Variants in VKORC1L1 observed in about 807,000 individuals in gnomAD.
VKORC1L1 encodes the protein vitamin K epoxide reductase complex subunit 1L1.
In VKORC1L1, 2 loss-of-function variants were observed where a neutral mutation model predicts 18.9. The observed-to-expected ratio is 0.11, with a 90% CI of 0.04 to 0.33. The LOEUF is 0.33. VKORC1L1 is among the 10% of genes least tolerant of loss of function. VKORC1L1 has a pLI of 1.00. For synonymous variants in VKORC1L1, 96 were observed against 100.0 expected (o/e 0.96, Z 0.24); for missense variants, 123 against 224.1 (o/e 0.55, Z 2.88).
intron 1 of VKORC1L1, among the ~76,000 whole-genome samples, chr7:65,874,098 T>G (rs768364802): frequency 1.6e-4 from 24 of 152,142 alleles, no homozygotes; most frequent in Non-Finnish European, 3.1e-4. Context: ...GGTGTTTCCG[T>G]GGTCAGGCCT....
chr7:65,941,573 C>A (rs1193248165), intron 1 of VKORC1L1, among the ~76,000 whole-genome samples: 1 of 151,364 alleles, frequency 6.6e-6, no homozygotes. Flanking sequence ...TTTAGAAAGA[C>A]CCCAGGAGAG....
intron 1 of VKORC1L1, among the ~76,000 whole-genome samples, chr7:65,887,051 G>T (rs757084072): frequency 6.6e-6 from 1 of 150,708 alleles, no homozygotes; most frequent in Non-Finnish European, 1.5e-5. Flanking sequence ...AGGTTTCACC[G>T]TGTTAGCCAG....
intron 1 of VKORC1L1, among the ~76,000 whole-genome samples, chr7:65,947,618 G>A (rs1253558755): frequency 2.0e-5 from 3 of 152,080 alleles, no homozygotes; most frequent in Admixed American, 1.3e-4. Context: ...AAAACTGATA[G>A]GGCATATAAT....
chr7:65,951,662 G>A (rs952033794), intron 2 of VKORC1L1, among the ~76,000 whole-genome samples: 2 of 151,842 alleles, frequency 1.3e-5, no homozygotes, highest in African/African-American at 2.4e-5. Flanking sequence ...CTGGTTTCCA[G>A]TGCTCCTCAG....
At chr7:65,900,578 G>A (rs1789298447) in intron 1 of VKORC1L1, among the ~76,000 whole-genome samples, 1 of 152,096 alleles carries the variant, frequency 6.6e-6, no homozygotes, top group Admixed American at 6.6e-5. Flanking sequence ...TGAGGCTGGT[G>A]GATCACTTAA....
Position 65,925,581 on chromosome 7 carries a change from G to T in VKORC1L1, c.195-23090G>T, listed in dbSNP as rs146312912. On this transcript the variant is annotated intron_variant, in intron 1 of 2. Transcript: ENST00000360768. ...GTTCTTTAAGCTTCTTGAGGGTAGG[G>T]GCTGTCATTCAGTCACAAGAAATAG... Among the ~76,000 whole-genome samples, 975 of 152,232 alleles carry T rather than the reference G, an allele frequency of 6.4e-3. 17 individuals carry two copies. The highest frequency in any genetic ancestry group is 0.036 in the Admixed American group (547 of 15,282).
chr7:65,903,773 C>CA lies in VKORC1L1; in HGVS notation c.194+30227dup, dbSNP rs59067443. Among the ~76,000 whole-genome samples, 305 of 113,192 alleles carry CA rather than the reference C, an allele frequency of 2.7e-3. 3 individuals carry two copies. Among genetic ancestry groups the CA allele is most frequent in the African/African-American group, 9.9e-3 (289 of 29,282 alleles). 74.3% of individuals were successfully genotyped at this position (113,192 alleles called of 152,430 possible). On this transcript the variant is annotated intron_variant, in intron 1 of 2. Transcript: ENST00000360768. ...TGGGTGATAGAGCGAGACCGTGTCT[C>CA]AAAAAAAAAAAAAAAAAAAGGCCTA...
At chr7:65,877,027 G>A (rs1227993483) in intron 1 of VKORC1L1, among the ~76,000 whole-genome samples, 9 of 152,104 alleles carry the variant, frequency 5.9e-5, no homozygotes, top group Non-Finnish European at 4.4e-5. Context: ...AGCCTGGGTG[G>A]TAGAGAGAGA....
At chr7:65,868,062 G>A in the VKORC1L1 span, among the ~76,000 whole-genome samples, 1 of 152,166 alleles carries the variant, frequency 6.6e-6, no homozygotes, top group African/African-American at 2.4e-5. Context: ...GGCCAGGCTG[G>A]TCTCAAACTC....
At chr7:65,867,915 C>T in the VKORC1L1 span, among the ~76,000 whole-genome samples, 2 of 152,168 alleles carry the variant, frequency 1.3e-5, no homozygotes, top group Admixed American at 6.6e-5. Flanking sequence ...TGTGCAATCT[C>T]GACTCACTGC....
intron 1 of VKORC1L1, among the ~76,000 whole-genome samples, chr7:65,922,961 T>C (rs1489346847): frequency 6.6e-6 from 1 of 152,198 alleles, no homozygotes; most frequent in Non-Finnish European, 1.5e-5. Flanking sequence ...GGAAAAATTT[T>C]AACCATTATC....
At chr7:65,951,643 C>T (rs1481828275) in intron 2 of VKORC1L1, among the ~76,000 whole-genome samples, 6 of 151,854 alleles carry the variant, frequency 4.0e-5, no homozygotes, top group Non-Finnish European at 5.9e-5. Flanking sequence ...CCACCCCTTC[C>T]CTTTATGCCT....
upstream of VKORC1L1, among the ~76,000 whole-genome samples, chr7:65,869,539 G>T (rs1441415660): frequency 6.6e-6 from 1 of 151,698 alleles, no homozygotes; most frequent in Admixed American, 6.6e-5. Context: ...AAAGACGTGG[G>T]ATGATGAGTC....
intron 1 of VKORC1L1, among the ~76,000 whole-genome samples, chr7:65,947,162 CAAAA>C (rs1183580908): frequency 1.3e-5 from 2 of 151,898 alleles, no homozygotes; most frequent in East Asian, 3.9e-4. Flanking sequence ...ACAAAACAAA[CAAAA>C]AGGATTGCAT....
In VKORC1L1 at chr7:65,873,199, G is replaced by C. The variant is rs1304816614; in HGVS notation, c.-173G>C. On this transcript the variant is annotated 5_prime_UTR_variant, in exon 1 of 3. Transcript: ENST00000360768. ...TGGGGCGGTTGGGCCGCGCGCCTGT[G>C]GGGGCGGGGCCCGGAGCAGGCCACC... 2.4e-6 allele frequency: 2 copies of C among 829,984 alleles called. No homozygotes were observed. The highest frequency in any genetic ancestry group is 2.9e-6 in the Non-Finnish European group (2 of 689,122). The allele number at this position is 829,984 out of a possible 1,614,324, so 51.4% of individuals were successfully genotyped here.
chr7:65,881,044 A>AC (rs779874919), intron 1 of VKORC1L1, among the ~76,000 whole-genome samples: 3 of 151,728 alleles, frequency 2.0e-5, no homozygotes, highest in Non-Finnish European at 4.4e-5. Context: ...GGGATGCTCA[A>AC]CCGGTATATA....
chr7:65,877,589 C>T (rs1171294522), intron 1 of VKORC1L1, among the ~76,000 whole-genome samples: 1 of 152,188 alleles, frequency 6.6e-6, no homozygotes, highest in Non-Finnish European at 1.5e-5. Flanking sequence ...CTCAGGTGAT[C>T]TGCCTGCCTC....
Position 65,873,513 on chromosome 7 carries a change from GC to G in VKORC1L1, c.145del (p.Leu49SerfsTer8). 1 of 1,591,394 alleles carries G rather than the reference GC, an allele frequency of 6.3e-7. No individual in the cohort carries two copies. ...REKERDPEHR[A>X]LCDLGPWVKC... The stretch of plus-strand genomic sequence containing the variant: ...GAAGGAGCGGGACCCCGAGCACCGG[GC>G]CCTCTGCGACCTGGGGCCCTGGGTG... On this transcript the variant is annotated frameshift_variant, in exon 1 of 3. Transcript: ENST00000360768. LOFTEE classifies it high-confidence loss of function.
intron 1 of VKORC1L1, among the ~76,000 whole-genome samples, chr7:65,920,979 A>G (rs1789666383): frequency 6.6e-6 from 1 of 152,120 alleles, no homozygotes; most frequent in Admixed American, 6.5e-5. Context: ...CACATTGACC[A>G]CTTTTATTAA....
Sources: gnomAD v4.1 joint callset for allele counts (sites outside exome capture counted in the v4.1 genomes callset) on GRCh38, gnomAD v4.1.1 for gene constraint, MANE v1.5 for transcripts, NCBI Gene and HGNC (gene_info 2026-07-23, HGNC 2026-07-21) for gene names.